Variants in COL8A1 observed in about 807,000 individuals in gnomAD.
The protein encoded by COL8A1 is collagen alpha-1(VIII) chain.
A neutral mutation model predicts 42.7 loss-of-function variants in COL8A1; 21 were observed. The observed-to-expected ratio is 0.49, with a 90% CI of 0.35 to 0.71. The LOEUF (loss-of-function observed/expected upper bound fraction) is 0.71, where lower values mean the gene tolerates loss of function less well. COL8A1 is among the 30% of genes least tolerant of loss of function. The probability of loss-of-function intolerance (pLI) is 0.01; values close to 1 mark genes in which losing one functional copy is unlikely to be tolerated. For missense variants in COL8A1, 788 were observed against 962.4 expected (o/e 0.82, Z 2.40); for synonymous variants, 367 against 369.1 (o/e 0.99, Z 0.06).
chr3:99,722,714 T>A (rs1372840253), intron 1 of COL8A1, among the ~76,000 whole-genome samples: 3 of 152,108 alleles, frequency 2.0e-5, no homozygotes, highest in Non-Finnish European at 4.4e-5. Context: ...ATTCCTCTCA[T>A]CATGATATCT....
chr3:99,769,108 T>C (rs115918444), intron 2 of COL8A1, among the ~76,000 whole-genome samples: 1,976 of 152,334 alleles, frequency 0.013, 34 homozygotes, highest in African/African-American at 0.044. Flanking sequence ...ATCAGGTATG[T>C]AAAATTGTGC....
intron 2 of COL8A1, among the ~76,000 whole-genome samples, chr3:99,787,055 G>A (rs1413847858): frequency 1.3e-5 from 2 of 152,140 alleles, no homozygotes; most frequent in African/African-American, 4.8e-5. Flanking sequence ...AAGACATGCT[G>A]TGTTAGCCTA....
At chr3:99,661,097 A>G (rs976684123) in intron 1 of COL8A1, among the ~76,000 whole-genome samples, 1 of 152,222 alleles carries the variant, frequency 6.6e-6, no homozygotes, top group African/African-American at 2.4e-5. Flanking sequence ...TGCAAAGATG[A>G]ATATGTATGT....
rs140178608 is a variant in COL8A1, at chr3:99,773,549, A to G, written c.-3-17131A>G. ...ATCTTTATTTTAAAACTAACTTTGT[A>G]TTAACTTGAGGTCTTTAAAGGAAAA... On this transcript the variant is annotated intron_variant, in intron 2 of 3. Transcript: ENST00000652472. Among the ~76,000 whole-genome samples, 304 of 152,082 alleles carry G rather than the reference A, an allele frequency of 2.0e-3. 4 individuals carry two copies. Among genetic ancestry groups the G allele is most frequent in the Middle Eastern group, 6.8e-3 (2 of 294 alleles).
rs774531978 is a variant in COL8A1, at chr3:99,795,745, T to G, written c.1844T>G (p.Met615Arg). ...AAGAATGGAGGGCCAGCCTATGAGATGCCTGCATTTACCGCCGAGCTAACC... is the reference window on the plus strand; with the variant it reads ...AAGAATGGAGGGCCAGCCTATGAGAGGCCTGCATTTACCGCCGAGCTAACC... ...KGKNGGPAYE[M>R]PAFTAELTAP... The change falls in exon 4 of 4, where the codon ATG becomes AGG. Residue 615 changes from methionine to arginine, a missense_variant. Physicochemically the swap from Met to Arg is moderately conservative, Grantham distance 91. Around this residue, in one of 4 missense-constraint regions of COL8A1, gnomAD observed 212 missense variants for 210.9 expected, o/e 1.00. Coordinates refer to ENST00000652472, the MANE Select transcript of COL8A1 (RefSeq NM_020351.4). The G allele has an allele frequency of 3.7e-6, 6 of 1,614,002 alleles. No individual in the cohort carries two copies. The African/African-American group carries it at 8.0e-5, about 22-fold the overall frequency.
intron 1 of COL8A1, among the ~76,000 whole-genome samples, chr3:99,656,069 T>C (rs965651768): frequency 5.3e-5 from 8 of 152,352 alleles, no homozygotes; most frequent in African/African-American, 1.9e-4. Flanking sequence ...TTTATTGACA[T>C]ATTTGGTAGC....
Position 99,776,069 on chromosome 3 carries a change from A to T in COL8A1, c.-3-14611A>T, listed in dbSNP as rs186943064. On this transcript the variant is annotated intron_variant, in intron 2 of 3. Transcript: ENST00000652472. The stretch of plus-strand genomic sequence containing the variant: ...GCCACCCTACTTATATCACATTGGC[A>T]TTTCCTTCTTGCTTACAAGAAGTTG... 4.4e-3 allele frequency among the ~76,000 whole-genome samples: 667 copies of T among 152,322 alleles called. 5 individuals carry two copies. The highest frequency in any genetic ancestry group is 0.015 in the African/African-American group (631 of 41,566).
At chr3:99,793,699 AT>A (rs1309429763) in intron 3 of COL8A1, among the ~76,000 whole-genome samples, 3 of 152,208 alleles carry the variant, frequency 2.0e-5, no homozygotes, top group Non-Finnish European at 2.9e-5. Context: ...TATCAAAAAA[AT>A]ACCTCAAATA....
At chr3:99,767,939 C>A (rs1269687918) in intron 2 of COL8A1, among the ~76,000 whole-genome samples, 1 of 152,116 alleles carries the variant, frequency 6.6e-6, no homozygotes, top group Non-Finnish European at 1.5e-5. Flanking sequence ...ATTGCCCATT[C>A]TCCTGTTGAA....
intron 1 of COL8A1, among the ~76,000 whole-genome samples, chr3:99,727,951 C>T (rs1412797026): frequency 6.6e-6 from 1 of 151,028 alleles, no homozygotes; most frequent in Non-Finnish European, 1.5e-5. Context: ...ACCCTTCATG[C>T]TAAAAACTCT....
chr3:99,789,729 G>A (rs1215256414), intron 2 of COL8A1, among the ~76,000 whole-genome samples: 6 of 152,126 alleles, frequency 3.9e-5, no homozygotes, highest in Admixed American at 2.0e-4. Context: ...TAGAAGCAGC[G>A]TATTCTTATT....
intron 2 of COL8A1, among the ~76,000 whole-genome samples, chr3:99,766,497 C>G (rs34874387): frequency 6.6e-6 from 1 of 152,202 alleles, no homozygotes; most frequent in Non-Finnish European, 1.5e-5. Context: ...TATATTCTTT[C>G]CTCATTAATA....
chr3:99,697,478 A>G (rs1939413256), intron 1 of COL8A1, among the ~76,000 whole-genome samples: 1 of 152,218 alleles, frequency 6.6e-6, no homozygotes, highest in Admixed American at 6.5e-5. Context: ...GAAAACAACC[A>G]AATTGTTTAA....
chr3:99,768,269 T>A (rs1196284792), intron 2 of COL8A1, among the ~76,000 whole-genome samples: 2 of 152,218 alleles, frequency 1.3e-5, no homozygotes, highest in African/African-American at 4.8e-5. Flanking sequence ...TGATTTTACA[T>A]GTACTAGAAG....
chr3:99,682,899 A>C (rs1385978812), intron 1 of COL8A1, among the ~76,000 whole-genome samples: 1 of 152,236 alleles, frequency 6.6e-6, no homozygotes, highest in Admixed American at 6.5e-5. Flanking sequence ...TTACCTTCTG[A>C]ATAAGGGATT....
At chr3:99,772,130 T>C (rs540813877) in intron 2 of COL8A1, among the ~76,000 whole-genome samples, 2 of 152,052 alleles carry the variant, frequency 1.3e-5, no homozygotes, top group Admixed American at 1.3e-4. Context: ...ATCCAGACAA[T>C]GGAATATTAT....
chr3:99,649,119 T>G (rs1937752980), intron 1 of COL8A1, among the ~76,000 whole-genome samples: 1 of 152,050 alleles, frequency 6.6e-6, no homozygotes, highest in Admixed American at 6.6e-5. Flanking sequence ...CTTCCAAGAT[T>G]CAGATTAAGT....
chr3:99,697,049 G>C (rs1329857277), intron 1 of COL8A1, among the ~76,000 whole-genome samples: 50 of 139,976 alleles, frequency 3.6e-4, no homozygotes, highest in South Asian at 9.2e-4. Flanking sequence ...TGCAGTGGCG[G>C]GATCTCGGCT....
intron 1 of COL8A1, among the ~76,000 whole-genome samples, chr3:99,734,719 G>A (rs1462981313): frequency 1.3e-5 from 2 of 151,842 alleles, no homozygotes; most frequent in Non-Finnish European, 2.9e-5. Flanking sequence ...GGATGGCATT[G>A]AATCTGTAAA....
Sources: gnomAD v4.1 joint callset for allele counts (sites outside exome capture counted in the v4.1 genomes callset) on GRCh38, gnomAD v4.1.1 for gene constraint, gnomAD v4.1.1 regional missense constraint, MANE v1.5 for transcripts, NCBI Gene and HGNC (gene_info 2026-07-23, HGNC 2026-07-21) for gene names.